The following ADCYAP1R1 variants were observed in gnomAD, a reference collection of about 807,000 sequenced individuals.
ADCYAP1R1 encodes the protein pituitary adenylate cyclase-activating polypeptide type I receptor.
A neutral mutation model predicts 67.6 loss-of-function variants in ADCYAP1R1; 44 were observed. That is an observed-to-expected ratio of 0.65 (90% CI 0.51 to 0.84). The LOEUF is 0.84. Among genes scored for constraint, ADCYAP1R1 ranks in the 40% least tolerant of loss-of-function variants. The pLI, the probability that ADCYAP1R1 is intolerant of heterozygous loss-of-function variation, is 0.00. For synonymous variants in ADCYAP1R1, 222 were observed against 219.6 expected (o/e 1.01, Z -0.10); for missense variants, 477 against 587.9 (o/e 0.81, Z 1.95).
chr7:31,089,040 G>A (rs1439836254), intron 12 of ADCYAP1R1, among the ~76,000 whole-genome samples: 2 of 152,122 alleles, frequency 1.3e-5, no homozygotes, highest in African/African-American at 4.8e-5. Flanking sequence ...TTTTGGTTAA[G>A]TTTTTTAGTT....
chr7:31,092,433 G>A (rs559465033), intron 12 of ADCYAP1R1, among the ~76,000 whole-genome samples: 4 of 151,572 alleles, frequency 2.6e-5, no homozygotes, highest in East Asian at 3.9e-4. Context: ...CCTATTTCCC[G>A]TACTTCTATG....
At chr7:31,100,391 G>C (rs1410911730) in intron 13 of ADCYAP1R1, among the ~76,000 whole-genome samples, 1 of 151,790 alleles carries the variant, frequency 6.6e-6, no homozygotes, top group Non-Finnish European at 1.5e-5. Context: ...TCGTGGTCAT[G>C]GGGTGGGTGG....
At chr7:31,104,961 GAGCAGACAGGGGA>G in intron 15 of ADCYAP1R1, 52 bp downstream of exon 15, 3 of 1,591,130 alleles carry the variant, frequency 1.9e-6, no homozygotes, top group Non-Finnish European at 2.6e-6. Context: ...GCTTTCTGGG[GAGCAGACAGGGGA>G]ACCACCTGTT....
In ADCYAP1R1 at chr7:31,063,186, C is replaced by T; in HGVS notation, c.-71-8C>T. The T allele has an allele frequency of 6.4e-7, 1 of 1,573,974 alleles. No individual in the cohort carries two copies. ...CTCACAGGATTCACACCTTTCCTTC[C>T]TCTCTAGCCCAGAGACACATTGGGG... On this transcript the variant is annotated splice_polypyrimidine_tract_variant and splice_region_variant and intron_variant, in intron 1 of 15. Transcript: ENST00000304166.
chr7:31,061,428 G>T (rs554538156), intron 1 of ADCYAP1R1, among the ~76,000 whole-genome samples: 2 of 152,200 alleles, frequency 1.3e-5, no homozygotes, highest in African/African-American at 4.8e-5. Flanking sequence ...CACCAGGGGC[G>T]TGGCAAGCCC....
Position 31,086,679 on chromosome 7 carries a change from G to A in ADCYAP1R1, c.823+142G>A. 1.8e-6 allele frequency: 2 copies of A among 1,081,350 alleles called. No homozygotes were observed. The highest frequency in any genetic ancestry group is 2.7e-6 in the Non-Finnish European group (2 of 754,352). The allele number at this position is 1,081,350 out of a possible 1,614,324, so 67.0% of individuals were successfully genotyped here. On this transcript the variant is annotated intron_variant, in intron 10 of 15. Coordinates refer to ENST00000304166, the MANE Select transcript of ADCYAP1R1 (RefSeq NM_001118.5). The surrounding 1 kb of genome is among the most constrained non-coding windows in gnomAD (Gnocchi z 5.0). ...AGTCTAATGGCCTAGGCTCTGTCTT[G>A]GACTCTTTCTCAATCTTCTTGCCTG...
chr7:31,097,423 T>C (rs1796242926), intron 13 of ADCYAP1R1, among the ~76,000 whole-genome samples: 1 of 152,234 alleles, frequency 6.6e-6, no homozygotes, highest in African/African-American at 2.4e-5. Context: ...TTTCCTGCAC[T>C]ATTTGTTCTT....
At chr7:31,085,516 C>T in intron 9 of ADCYAP1R1, 74 bp downstream of exon 9, 1 of 1,510,642 alleles carries the variant, frequency 6.6e-7, no homozygotes. Context: ...CCCCAGGACG[C>T]ACATTACCTG....
At position 31,086,268 on chromosome 7, in the gene ADCYAP1R1, C is replaced by T. The variant is rs559596901; in HGVS notation, c.670-116C>T. 18 of 1,087,946 alleles carry T rather than the reference C, an allele frequency of 1.7e-5. No individual in the cohort carries two copies. In the African/African-American group the frequency reaches 2.9e-4, roughly 17 times the overall value. The allele number at this position is 1,087,946 out of a possible 1,614,324, so 67.4% of individuals were successfully genotyped here. On this transcript the variant is annotated intron_variant, in intron 9 of 15. Coordinates refer to ENST00000304166, the MANE Select transcript of ADCYAP1R1 (RefSeq NM_001118.5). This position sits in a 1 kb window ranked among gnomAD's most constrained non-coding sequence, Gnocchi z 5.0. Reference sequence around the variant, plus strand: ...TCTTTGATCCAGGAATATTGACTCTCTTAGATCCTTGGGATGTTTGAACCT... The same window carrying T: ...TCTTTGATCCAGGAATATTGACTCTTTTAGATCCTTGGGATGTTTGAACCT...
chr7:31,095,574 G>A, intron 13 of ADCYAP1R1: 2 of 711,138 alleles, frequency 2.8e-6, no homozygotes, highest in South Asian at 3.0e-5. Flanking sequence ...GGCTGTGCCA[G>A]AGTCCCCTGG....
intron 13 of ADCYAP1R1, among the ~76,000 whole-genome samples, chr7:31,095,375 A>G (rs1483677862): frequency 6.6e-6 from 1 of 152,218 alleles, no homozygotes. Flanking sequence ...GCATTAAACA[A>G]GTGTGCAAAA....
intron 3 of ADCYAP1R1, among the ~76,000 whole-genome samples, chr7:31,069,445 G>A (rs918784371): frequency 6.6e-6 from 1 of 152,184 alleles, no homozygotes; most frequent in Non-Finnish European, 1.5e-5. Context: ...TTGTTCCAAT[G>A]CCTGTTGAGT....
At position 31,109,010 on chromosome 7, in the gene ADCYAP1R1, A is replaced by G. The variant is rs1202600690; in HGVS notation, c.*2326A>G. On this transcript the variant is annotated 3_prime_UTR_variant, in exon 16 of 16. Coordinates refer to ENST00000304166, the MANE Select transcript of ADCYAP1R1 (RefSeq NM_001118.5). ...AGATCCAAGGAGCAGCCCCCTGGGG[A>G]TGGACCCCATTCATTCATCATGACT... 1.3e-5 allele frequency: 2 copies of G among 152,168 alleles called. No individual in the cohort carries two copies. The highest frequency in any genetic ancestry group is 2.9e-5 in the Non-Finnish European group (2 of 68,038). 9.4% of individuals were successfully genotyped at this position (152,168 alleles called of 1,614,324 possible).
chr7:31,088,232 G>A (rs1046770786), intron 12 of ADCYAP1R1, among the ~76,000 whole-genome samples: 1 of 152,050 alleles, frequency 6.6e-6, no homozygotes, highest in Non-Finnish European at 1.5e-5. Flanking sequence ...TGTTTTTATC[G>A]TGAATATTCC....
chr7:31,095,794 A>T (rs1042597086), intron 13 of ADCYAP1R1: 1 of 715,740 alleles, frequency 1.4e-6, no homozygotes, highest in Non-Finnish European at 2.6e-6. Context: ...TTTGTCCTCC[A>T]TAGACCAAGA....
At chr7:31,076,662 G>A (rs562474325) in intron 3 of ADCYAP1R1, among the ~76,000 whole-genome samples, 1 of 152,268 alleles carries the variant, frequency 6.6e-6, no homozygotes, top group South Asian at 2.1e-4. Flanking sequence ...TTCTTGCTTG[G>A]CGCGTGCAGG....
chr7:31,098,061 C>T (rs539463422), intron 13 of ADCYAP1R1, among the ~76,000 whole-genome samples: 291 of 152,106 alleles, frequency 1.9e-3, no homozygotes, highest in African/African-American at 6.5e-3. Context: ...CCACTACGCC[C>T]GGCTAATTTT....
chr7:31,079,013 G>A (rs78290877), intron 4 of ADCYAP1R1, among the ~76,000 whole-genome samples: 2,320 of 152,312 alleles, frequency 0.015, 64 homozygotes, highest in African/African-American at 0.053. Flanking sequence ...AGAGCAGCCC[G>A]TGAGTGGGCA....
At chr7:31,063,547 T>TGGTAATGTGTG (rs57245081) in intron 2 of ADCYAP1R1, among the ~76,000 whole-genome samples, 29,083 of 152,152 alleles carry the variant, frequency 0.19, 4,092 homozygotes, top group African/African-American at 0.4. Context: ...ATCTTTATGA[T>TGGTAATGTGTG]GCAACCTTTA....
Sources: allele counts gnomAD v4.1 joint callset (sites outside exome capture counted in the v4.1 genomes callset), GRCh38; gene constraint gnomAD v4.1.1; non-coding constraint Gnocchi (gnomAD v3.1); transcripts MANE v1.5; gene names NCBI Gene and HGNC (gene_info 2026-07-23, HGNC 2026-07-21).